USP24: variants seen among roughly 807,000 people sequenced by gnomAD.
USP24 encodes ubiquitin specific peptidase 24.
In USP24, 97 loss-of-function variants were observed where a neutral mutation model predicts 361.6. That is an observed-to-expected ratio of 0.27 (90% CI 0.23 to 0.32). The LOEUF is 0.32. Ranked by LOEUF, USP24 falls within the 10% of genes least tolerant of loss-of-function variation. The pLI is 1.00. For synonymous variants in USP24, 1,098 were observed against 1,124.6 expected, an observed-to-expected ratio of 0.98 and a Z score of 0.47; for missense variants, 2,353 against 3,165.6, an observed-to-expected ratio of 0.74 and a Z score of 6.16.
chr1:55,208,240 C>G (rs540809096), intron 1 of USP24, among the ~76,000 whole-genome samples: 1 of 152,172 alleles, frequency 6.6e-6, no homozygotes, highest in Non-Finnish European at 1.5e-5. Context: ...AGGTTTCTCA[C>G]TAGCAGACAA....
chr1:55,111,132 AT>A (rs530232554), intron 38 of USP24, among the ~76,000 whole-genome samples: 8 of 151,082 alleles, frequency 5.3e-5, no homozygotes, highest in Admixed American at 1.3e-4. Flanking sequence ...TTACCATACT[AT>A]TTTTTTTTCC....
chr1:55,213,084 A>C (rs999519432), intron 1 of USP24, among the ~76,000 whole-genome samples: 2 of 151,320 alleles, frequency 1.3e-5, no homozygotes, highest in South Asian at 2.1e-4. Flanking sequence ...TTCTCACATA[A>C]TGAGGATACA....
chr1:55,103,425 G>A (rs1645690464), intron 42 of USP24, among the ~76,000 whole-genome samples: 1 of 152,130 alleles, frequency 6.6e-6, no homozygotes, highest in Admixed American at 6.5e-5. Flanking sequence ...CCTTCTTGAG[G>A]GCTGGGATCC....
rs539687608 is a variant in USP24, at chr1:55,139,372, T to C, written c.2751-362A>G. On this transcript the variant is annotated intron_variant, in intron 24 of 67. Transcript: ENST00000294383. ...GTCTGACTTTATCTTATAACTAAAATATGATATACAATTCTGTGAACACAT... is the reference window on the plus strand; with the variant it reads ...GTCTGACTTTATCTTATAACTAAAACATGATATACAATTCTGTGAACACAT... Among the ~76,000 whole-genome samples, 3 of 152,304 alleles carry C rather than the reference T, an allele frequency of 2.0e-5. No homozygotes were observed. The East Asian group carries it at 5.8e-4, about 29-fold the overall frequency.
chr1:55,152,547 T>C (rs1247410144), intron 16 of USP24, among the ~76,000 whole-genome samples: 5 of 152,172 alleles, frequency 3.3e-5, no homozygotes, highest in Non-Finnish European at 1.5e-5. Context: ...CCTTTTCCTC[T>C]TACTATTGAA....
At chr1:55,100,806 T>A in intron 44 of USP24, 33 bp downstream of exon 44, 1 of 1,565,154 alleles carries the variant, frequency 6.4e-7, no homozygotes, top group Non-Finnish European at 8.6e-7. Context: ...ATATTTAACA[T>A]CTTTAAATCT....
intron 58 of USP24, among the ~76,000 whole-genome samples, chr1:55,081,647 C>T (rs1412691076): frequency 1.3e-5 from 2 of 152,188 alleles, no homozygotes; most frequent in African/African-American, 2.4e-5. Flanking sequence ...ACTGTAGGTA[C>T]TGAGTGCTTA....
intron 23 of USP24, 94 bp downstream of exon 23, chr1:55,142,648 A>G (rs1646922301): frequency 2.2e-6 from 2 of 926,418 alleles, no homozygotes; most frequent in Non-Finnish European, 3.2e-6. Context: ...ATCCAGCCAC[A>G]AACATCAACA....
intron 5 of USP24, among the ~76,000 whole-genome samples, chr1:55,168,006 T>C (rs1438721784): frequency 6.6e-6 from 1 of 151,970 alleles, no homozygotes; most frequent in Non-Finnish European, 1.5e-5. Flanking sequence ...GGCATAAATA[T>C]GACATTTAAA....
At position 55,160,427 on chromosome 1, in the gene USP24, A is replaced by G. The variant is rs551707359; in HGVS notation, c.994-742T>C. The stretch of plus-strand genomic sequence containing the variant: ...AGAGTCATAGTGCTCTTTTCAGCAC[A>G]TGCTGTTTAATCCTTACTGCAACTC... On this transcript the variant is annotated intron_variant, in intron 8 of 67. Transcript: ENST00000294383. Among the ~76,000 whole-genome samples the G allele has an allele frequency of 1.0e-3, 156 of 152,346 alleles. 1 individual carries two copies. The highest frequency in any genetic ancestry group is 3.5e-3 in the African/African-American group (145 of 41,580).
At chr1:55,074,679 TA>T (rs892636093) in intron 63 of USP24, among the ~76,000 whole-genome samples, 23 of 125,176 alleles carry the variant, frequency 1.8e-4, no homozygotes, top group Middle Eastern at 4.0e-3. Flanking sequence ...AATAAATAAA[TA>T]AAAATAAAAA....
At chr1:55,163,827 T>C (rs1289785994) in intron 7 of USP24, among the ~76,000 whole-genome samples, 2 of 151,922 alleles carry the variant, frequency 1.3e-5, no homozygotes, top group African/African-American at 4.8e-5. Flanking sequence ...CATCCCAGAT[T>C]GAAGGTTGAC....
At position 55,075,483 on chromosome 1, in the gene USP24, A is replaced by G; in HGVS notation, c.7421T>C (p.Val2474Ala). 6.2e-7 allele frequency: 1 copy of G among 1,604,810 alleles called. No homozygotes were observed. The highest frequency in any genetic ancestry group is 8.5e-7 in the Non-Finnish European group (1 of 1,175,706). ...TAGTAATCCATTTTCTGTCTCAAACACAAATTTGACTCGCTCTACTTGTAT... is the reference window on the plus strand; with the variant it reads ...TAGTAATCCATTTTCTGTCTCAAACGCAAATTTGACTCGCTCTACTTGTAT... ...DPIQVERVKFVFETENGLLAL... is the reference protein window; with the variant it reads ...DPIQVERVKFAFETENGLLAL... Residue 2474 changes from valine to alanine, a missense_variant, in exon 63 of 68, where the codon GTG becomes GCG. This residue lies in a region of USP24 where 598 missense variants were observed against 761.9 expected (regional missense o/e 0.78). Transcript: ENST00000294383.
intron 7 of USP24, among the ~76,000 whole-genome samples, chr1:55,164,397 G>A (rs561588250): frequency 6.6e-6 from 1 of 152,040 alleles, no homozygotes; most frequent in Admixed American, 6.6e-5. Flanking sequence ...TTAACTAGTG[G>A]GCTTGTGAGT....
intron 53 of USP24, among the ~76,000 whole-genome samples, 178 bp downstream of exon 53, chr1:55,092,643 T>G (rs1303482299): frequency 6.6e-6 from 1 of 152,222 alleles, no homozygotes; most frequent in East Asian, 1.9e-4. Flanking sequence ...ACATTATACA[T>G]TCAGAATGCT....
intron 58 of USP24, among the ~76,000 whole-genome samples, chr1:55,082,727 G>C (rs1021645931): frequency 6.6e-6 from 1 of 152,188 alleles, no homozygotes; most frequent in African/African-American, 2.4e-5. Context: ...CTAGGCTGCA[G>C]TGACCCCTGA....
At chr1:55,099,335 T>A (rs1421241812) in intron 45 of USP24, among the ~76,000 whole-genome samples, 1 of 152,100 alleles carries the variant, frequency 6.6e-6, no homozygotes, top group Non-Finnish European at 1.5e-5. Context: ...GGTGGGTGAA[T>A]CTCTGGAGGC....
intron 1 of USP24, among the ~76,000 whole-genome samples, chr1:55,195,140 G>A (rs1247045215): frequency 6.6e-6 from 1 of 152,212 alleles, no homozygotes; most frequent in Non-Finnish European, 1.5e-5. Flanking sequence ...TGCCTAGAAA[G>A]TAAAAGCAAG....
intron 40 of USP24, 30 bp from the exon 41 acceptor site, chr1:55,106,293 G>A: frequency 6.6e-7 from 1 of 1,513,122 alleles, no homozygotes; most frequent in South Asian, 1.1e-5. Flanking sequence ...TCATGTTGAA[G>A]ATGAACACAT....
Sources: allele counts gnomAD v4.1 joint callset (sites outside exome capture counted in the v4.1 genomes callset), GRCh38; gene constraint gnomAD v4.1.1; regional missense constraint gnomAD v4.1.1; transcripts MANE v1.5; gene names NCBI Gene and HGNC (gene_info 2026-07-23, HGNC 2026-07-21).